The following RRAGD variants were observed in gnomAD, a reference collection of about 807,000 sequenced individuals.
RRAGD encodes Ras related GTP binding D.
RRAGD carries 12 observed loss-of-function variants against 35.5 expected under a neutral mutation model. The observed-to-expected ratio is 0.34, with a 90% CI of 0.22 to 0.55. The LOEUF (loss-of-function observed/expected upper bound fraction) is 0.55, where lower values mean the gene tolerates loss of function less well. Among genes scored for constraint, RRAGD ranks in the 20% least tolerant of loss-of-function variants. The probability of loss-of-function intolerance (pLI) is 0.91; values close to 1 mark genes in which losing one functional copy is unlikely to be tolerated. For synonymous variants in RRAGD, 155 were observed against 178.9 expected (o/e 0.87, Z 1.07); for missense variants, 324 against 490.1 (o/e 0.66, Z 3.20).
At chr6:89,378,314 AAG>A (rs1491473019) in intron 4 of RRAGD, among the ~76,000 whole-genome samples, 2 of 152,068 alleles carry the variant, frequency 1.3e-5, no homozygotes, top group Admixed American at 6.5e-5. Context: ...AAAAAAAAAA[AAG>A]AATTCGAATG....
chr6:89,370,379 A>G lies in RRAGD; in HGVS notation c.1051+2058T>C, dbSNP rs971207447. Among the ~76,000 whole-genome samples the G allele has an allele frequency of 1.3e-5, 2 of 152,260 alleles. 1 individual carries two copies. The highest frequency in any genetic ancestry group is 4.8e-5 in the African/African-American group (2 of 41,468). On this transcript the variant is annotated intron_variant, in intron 6 of 6. Coordinates refer to ENST00000369415, the MANE Select transcript of RRAGD (RefSeq NM_021244.5). ...ACATCACTAAGCAGCAAGAAAATGT[A>G]AATTCACATAATATACCAGTTTTCA...
Position 89,382,400 on chromosome 6 carries a change from AATATATAT to A in RRAGD, c.445-2041_445-2034del, listed in dbSNP as rs58343827. Among the ~76,000 whole-genome samples the A allele has an allele frequency of 7.6e-5, 10 of 130,888 alleles. 1 individual carries two copies. Among genetic ancestry groups the A allele is most frequent in the Admixed American group, 4.7e-4 (6 of 12,754 alleles). The allele number at this position is 130,888 out of a possible 152,430, so 85.9% of individuals were successfully genotyped here. On this transcript the variant is annotated intron_variant, in intron 2 of 6. Coordinates refer to ENST00000369415, the MANE Select transcript of RRAGD (RefSeq NM_021244.5). ...ACACAGTGAGACCCCTATCTCTAGA[AATATATAT>A]ATATATATATATATGTAATTAACCA...
At chr6:89,399,618 A>AT (rs1769412983) in intron 1 of RRAGD, among the ~76,000 whole-genome samples, 1 of 152,074 alleles carries the variant, frequency 6.6e-6, no homozygotes, top group Non-Finnish European at 1.5e-5. Flanking sequence ...CTAAAAATAT[A>AT]TATTTTTTTT....
intron 1 of RRAGD, among the ~76,000 whole-genome samples, chr6:89,396,471 G>A (rs959623859): frequency 9.2e-5 from 14 of 151,952 alleles, no homozygotes; most frequent in Non-Finnish European, 4.4e-5. Context: ...TGTTGCCCAG[G>A]CTGGAGTGCA....
intron 1 of RRAGD, among the ~76,000 whole-genome samples, chr6:89,409,357 T>C (rs207467232): frequency 9.2e-5 from 14 of 152,230 alleles, no homozygotes; most frequent in African/African-American, 3.4e-4. Flanking sequence ...GTGGAAAAAG[T>C]CCCACGTCTC....
In RRAGD at chr6:89,385,404, A is replaced by G. The variant is rs80139654; in HGVS notation, c.444+1891T>C. Among the ~76,000 whole-genome samples the G allele has an allele frequency of 1.4e-4, 21 of 152,306 alleles. No homozygotes were observed. In the East Asian group the frequency reaches 4.1e-3, roughly 29 times the overall value. On this transcript the variant is annotated intron_variant, in intron 2 of 6. Coordinates refer to ENST00000369415, the MANE Select transcript of RRAGD (RefSeq NM_021244.5). Reference sequence around the variant, plus strand: ...ACAGCTGCTGCGTGACTTAGGGAGAAAAATGGAGCTTAGAAGAGAGAGATG... The same window carrying G: ...ACAGCTGCTGCGTGACTTAGGGAGAGAAATGGAGCTTAGAAGAGAGAGATG...
chr6:89,367,983 T>C lies in RRAGD; in HGVS notation c.*73A>G, dbSNP rs1768783612. 7.4e-7 allele frequency: 1 copy of C among 1,356,724 alleles called. No individual in the cohort carries two copies. The highest frequency in any genetic ancestry group is 1.7e-5 in the South Asian group (1 of 57,422). 84.0% of individuals were successfully genotyped at this position (1,356,724 alleles called of 1,614,324 possible). On this transcript the variant is annotated 3_prime_UTR_variant, in exon 7 of 7. Transcript: ENST00000369415. ...ATGTGTCCCAATCTCCTTCTTCCTC[T>C]TCCTTTAGTGCAACATGGCGCAGCA...
chr6:89,383,982 T>C (rs1272702246), intron 2 of RRAGD, among the ~76,000 whole-genome samples: 1 of 150,728 alleles, frequency 6.6e-6, no homozygotes, highest in Non-Finnish European at 1.5e-5. Flanking sequence ...CTTAGCTGGG[T>C]GTGGTGGCTA....
intron 1 of RRAGD, among the ~76,000 whole-genome samples, chr6:89,388,581 C>T (rs979432452): frequency 2.0e-5 from 3 of 152,132 alleles, no homozygotes; most frequent in East Asian, 1.9e-4. Flanking sequence ...AAGTGGCTAA[C>T]GTATTGGACA....
intron 1 of RRAGD, among the ~76,000 whole-genome samples, chr6:89,398,895 T>C (rs1395907281): frequency 6.6e-6 from 1 of 152,158 alleles, no homozygotes; most frequent in Non-Finnish European, 1.5e-5. Context: ...TTTGCATATC[T>C]CATGATTTAA....
chr6:89,381,340 G>C (rs1267260295), intron 2 of RRAGD, among the ~76,000 whole-genome samples: 1 of 152,150 alleles, frequency 6.6e-6, no homozygotes, highest in Non-Finnish European at 1.5e-5. Flanking sequence ...CCCTGGTCTA[G>C]AGGAATTGCC....
chr6:89,400,497 C>G (rs1769438064), intron 1 of RRAGD, among the ~76,000 whole-genome samples: 1 of 152,026 alleles, frequency 6.6e-6, no homozygotes, highest in Admixed American at 6.5e-5. Context: ...TCCTCTCACC[C>G]TCTCCTCAAG....
rs547561266 is a variant in RRAGD, at chr6:89,368,489, GACTGA to G, written c.1052-287_1052-283del. On this transcript the variant is annotated intron_variant, in intron 6 of 6. Coordinates refer to ENST00000369415, the MANE Select transcript of RRAGD (RefSeq NM_021244.5). ...CTATGACCCAAAAGATTTAAAGAAC[GACTGA>G]ACTGAACTTTTTTTTTAACCTTTCA... is the stretch of plus-strand genomic sequence containing the variant. Among the ~76,000 whole-genome samples the G allele has an allele frequency of 1.4e-4, 22 of 152,252 alleles. No homozygotes were observed. In the East Asian group the frequency reaches 3.1e-3, roughly 21 times the overall value.
intron 1 of RRAGD, among the ~76,000 whole-genome samples, chr6:89,393,894 T>A (rs1261192768): frequency 6.6e-6 from 1 of 152,160 alleles, no homozygotes; most frequent in Non-Finnish European, 1.5e-5. Flanking sequence ...TATATAGATC[T>A]TGGCAATAAA....
Position 89,367,875 on chromosome 6 carries a change from G to A in RRAGD, c.*181C>T. ...CATCACTGTTAATATACAAGTTTTTGCTTCAAAGTGCTTACTTTATTTATA... is the reference window on the plus strand; with the variant it reads ...CATCACTGTTAATATACAAGTTTTTACTTCAAAGTGCTTACTTTATTTATA... On this transcript the variant is annotated 3_prime_UTR_variant, in exon 7 of 7. Transcript: ENST00000369415. 1 of 450,112 alleles carries A rather than the reference G, an allele frequency of 2.2e-6. No homozygotes were observed. The highest frequency in any genetic ancestry group is 3.3e-5 in the East Asian group (1 of 30,400). 27.9% of individuals were successfully genotyped at this position (450,112 alleles called of 1,614,324 possible).
chr6:89,386,012 C>T (rs889808581), intron 2 of RRAGD, among the ~76,000 whole-genome samples: 1 of 152,134 alleles, frequency 6.6e-6, no homozygotes, highest in Admixed American at 6.5e-5. Flanking sequence ...CCTAGAAGGG[C>T]CAGGTGTGCT....
chr6:89,388,696 T>C (rs1182003749), intron 1 of RRAGD, among the ~76,000 whole-genome samples: 1 of 152,170 alleles, frequency 6.6e-6, no homozygotes, highest in Non-Finnish European at 1.5e-5. Flanking sequence ...GGTTTCAGGA[T>C]GATTCAAGCT....
chr6:89,387,196 A>C, intron 2 of RRAGD, 99 bp downstream of exon 2: 1 of 1,179,588 alleles, frequency 8.5e-7, no homozygotes, highest in Non-Finnish European at 1.2e-6. Context: ...CTTGTTTGGT[A>C]GAAAGGCCTA....
chr6:89,380,228 T>C lies in RRAGD; in HGVS notation c.584A>G (p.Asp195Gly). The C allele has an allele frequency of 6.2e-7, 1 of 1,614,260 alleles. No individual in the cohort carries two copies. The highest frequency in any genetic ancestry group is 8.5e-7 in the Non-Finnish European group (1 of 1,180,040). ...SDDHKIETQR[D>G]IHQRANDDLA... Reference sequence around the variant, plus strand: ...GTCATCGTTTGCCCTCTGGTGAATATCTCTTTGGGTTTCAATTTTGTGGTC... The same window carrying C: ...GTCATCGTTTGCCCTCTGGTGAATACCTCTTTGGGTTTCAATTTTGTGGTC... Residue 195 changes from aspartate (D) to glycine (G), a missense_variant, in exon 3 of 7, where the codon GAT becomes GGT. This residue lies in a region of RRAGD where 152 missense variants were observed against 296.9 expected (regional missense o/e 0.51). Transcript: ENST00000369415.
Sources: allele counts gnomAD v4.1 joint callset (sites outside exome capture counted in the v4.1 genomes callset), GRCh38; gene constraint gnomAD v4.1.1; regional missense constraint gnomAD v4.1.1; transcripts MANE v1.5; gene names NCBI Gene and HGNC (gene_info 2026-07-23, HGNC 2026-07-21).